The following FTO variants were observed in gnomAD, a reference collection of about 807,000 sequenced individuals.
FTO encodes the protein FTO alpha-ketoglutarate dependent dioxygenase.
In FTO, 47 loss-of-function variants were observed where a neutral mutation model predicts 63.9. That is an observed-to-expected ratio of 0.74 (90% CI 0.58 to 0.94). The LOEUF is 0.94. Ranked by LOEUF, FTO falls within the 40% of genes least tolerant of loss-of-function variation. FTO has a pLI of 0.00. For missense variants in FTO, 562 were observed against 618.1 expected, an observed-to-expected ratio of 0.91 and a Z score of 0.96; for synonymous variants, 207 against 224.4, an observed-to-expected ratio of 0.92 and a Z score of 0.69.
intron 8 of FTO, among the ~76,000 whole-genome samples, chr16:54,077,385 G>T (rs1413300585): frequency 6.6e-6 from 1 of 152,128 alleles, no homozygotes; most frequent in African/African-American, 2.4e-5. Context: ...CCCAGTACCT[G>T]CATGGTTATA....
intron 8 of FTO, chr16:53,991,975 A>T (rs1289462464): frequency 6.6e-6 from 1 of 152,120 alleles, no homozygotes; most frequent in Non-Finnish European, 1.5e-5. Context: ...GCCTCCACCC[A>T]GCCCCCTTGC....
At chr16:53,958,889 G>T (rs1049560423) in intron 8 of FTO, among the ~76,000 whole-genome samples, 9 of 152,184 alleles carry the variant, frequency 5.9e-5, no homozygotes, top group Non-Finnish European at 1.2e-4. Flanking sequence ...GCAGCTGATG[G>T]GGGTGAATAA....
At chr16:53,917,097 C>A (rs2081889315) in intron 7 of FTO, among the ~76,000 whole-genome samples, 1 of 152,148 alleles carries the variant, frequency 6.6e-6, no homozygotes, top group Non-Finnish European at 1.5e-5. Context: ...GCATCATTAA[C>A]CCCAATTCTG....
rs138932249 is a variant in FTO, at chr16:54,112,289, G to T, written c.*374G>T. ...TCTGGAGTGGACCCAGCCCTCTGGG[G>T]AAAGACAGAACTTAGAGACATCCCA... is the stretch of plus-strand genomic sequence containing the variant. On this transcript the variant is annotated 3_prime_UTR_variant, in exon 9 of 9. Transcript: ENST00000471389. 5 of 313,854 alleles carry T rather than the reference G, an allele frequency of 1.6e-5. No homozygotes were observed. The highest frequency in any genetic ancestry group is 1.1e-4 in the African/African-American group (5 of 46,320). 19.4% of individuals were successfully genotyped at this position (313,854 alleles called of 1,614,324 possible). A position where few individuals can be genotyped will look rare whatever the true frequency, so the allele number is the denominator to read the frequency against.
intron 8 of FTO, among the ~76,000 whole-genome samples, chr16:54,005,777 C>T (rs556586140): frequency 2.0e-5 from 3 of 152,198 alleles, no homozygotes; most frequent in South Asian, 2.1e-4. Context: ...TGGACTGGAG[C>T]GGAATTTGGT....
intron 8 of FTO, among the ~76,000 whole-genome samples, chr16:54,109,302 A>G (rs1371981466): frequency 1.3e-5 from 2 of 152,192 alleles, no homozygotes; most frequent in Admixed American, 1.3e-4. Flanking sequence ...CAAAGGAGCC[A>G]CTTCCCATAC....
At chr16:53,815,096 A>T (rs1439615613) in intron 2 of FTO, among the ~76,000 whole-genome samples, 1 of 151,966 alleles carries the variant, frequency 6.6e-6, no homozygotes, top group Non-Finnish European at 1.5e-5. Context: ...AGAGAGAGAG[A>T]GAGAGAGAGA....
intron 7 of FTO, among the ~76,000 whole-genome samples, chr16:53,909,807 G>A (rs759390961): frequency 4.5e-4 from 68 of 151,872 alleles, no homozygotes; most frequent in South Asian, 6.2e-4. Context: ...CAGGTGATCC[G>A]CCCGCATTGG....
chr16:53,909,738 A>G (rs1160819963), intron 7 of FTO, among the ~76,000 whole-genome samples: 1 of 150,808 alleles, frequency 6.6e-6, no homozygotes. Context: ...TAATTTTTGT[A>G]TTTTTGGTAG....
intron 7 of FTO, among the ~76,000 whole-genome samples, chr16:53,923,840 T>C (rs1454070572): frequency 6.6e-6 from 1 of 152,032 alleles, no homozygotes; most frequent in Non-Finnish European, 1.5e-5. Context: ...CACAGCAGCC[T>C]GAACATTCCA....
intron 7 of FTO, among the ~76,000 whole-genome samples, chr16:53,932,411 A>G (rs1599024695): frequency 1.4e-5 from 2 of 145,058 alleles, no homozygotes; most frequent in Admixed American, 6.9e-5. Context: ...TTTTTTTGAG[A>G]TGGAACCTCA....
Position 54,104,830 on chromosome 16 carries a change from G to T in FTO, c.1365-6932G>T, listed in dbSNP as rs1204919103. ...GAAGCTGTCCATTTAAACTGCTCTA[G>T]TCTTTAGAAGTGTGATGTCTTTCGT... On this transcript the variant is annotated intron_variant, in intron 8 of 8. Transcript: ENST00000471389. 2.6e-5 allele frequency among the ~76,000 whole-genome samples: 4 copies of T among 152,162 alleles called. 1 individual carries two copies. The highest frequency in any genetic ancestry group is 2.6e-4 in the Admixed American group (4 of 15,284).
intron 1 of FTO, among the ~76,000 whole-genome samples, chr16:53,777,819 C>A (rs1430372988): frequency 2.6e-5 from 4 of 152,104 alleles, no homozygotes; most frequent in Admixed American, 2.6e-4. Flanking sequence ...GTGGCAAGCT[C>A]ACTTGATTAA....
intron 1 of FTO, among the ~76,000 whole-genome samples, chr16:53,739,975 G>A (rs770181547): frequency 7.2e-5 from 11 of 152,294 alleles, no homozygotes; most frequent in Non-Finnish European, 1.5e-4. Flanking sequence ...GAAGTACCAC[G>A]AGGCAAACTG....
In FTO at chr16:54,063,050, C is replaced by T. The variant is rs149349091; in HGVS notation, c.1365-48712C>T. ...TTCCGAGAGGGTGTGTGTGGTGGTG[C>T]AGGTGGGATGAGAAGATTTCGACAC... On this transcript the variant is annotated intron_variant, in intron 8 of 8. Coordinates refer to ENST00000471389, the MANE Select transcript of FTO (RefSeq NM_001080432.3). Among the ~76,000 whole-genome samples, 412 of 152,214 alleles carry T rather than the reference C, an allele frequency of 2.7e-3. 3 individuals are homozygous for T. The highest frequency in any genetic ancestry group is 9.3e-3 in the African/African-American group (386 of 41,524).
chr16:53,933,091 C>T (rs890260988), intron 7 of FTO, among the ~76,000 whole-genome samples: 1 of 152,168 alleles, frequency 6.6e-6, no homozygotes. Flanking sequence ...CTCCTCTTCT[C>T]AAGGTTGTCA....
At chr16:53,922,065 A>G (rs1484994904) in intron 7 of FTO, among the ~76,000 whole-genome samples, 1 of 152,294 alleles carries the variant, frequency 6.6e-6, no homozygotes, top group South Asian at 2.1e-4. Flanking sequence ...TACTTTATAA[A>G]GCGTACCATA....
At chr16:53,823,396 T>G (rs181719323) in intron 2 of FTO, among the ~76,000 whole-genome samples, 51 of 152,258 alleles carry the variant, frequency 3.3e-4, no homozygotes, top group African/African-American at 1.2e-3. Context: ...CTCATTCATT[T>G]CTAGGCCTTT....
At chr16:53,830,719 G>A (rs187362512) in intron 3 of FTO, among the ~76,000 whole-genome samples, 1 of 152,270 alleles carries the variant, frequency 6.6e-6, no homozygotes, top group African/African-American at 2.4e-5. Context: ...CCAACATGGT[G>A]AAACCTTGTC....
Sources: gnomAD v4.1 joint callset for allele counts (sites outside exome capture counted in the v4.1 genomes callset) on GRCh38, gnomAD v4.1.1 for gene constraint, MANE v1.5 for transcripts, NCBI Gene and HGNC (gene_info 2026-07-23, HGNC 2026-07-21) for gene names.